The following CFI variants were observed in gnomAD, a reference collection of about 807,000 sequenced individuals.
CFI encodes complement factor I, also known as C3B/C4B inactivator.
CFI carries 66 observed loss-of-function variants against 78.8 expected under a neutral mutation model. The ratio of observed to expected loss-of-function variants is 0.84; its 90% CI spans 0.69 to 1.03. The LOEUF is 1.03. CFI is among the 50% of genes least tolerant of loss of function. The pLI is 0.00. For missense variants in CFI, 706 were observed against 704.5 expected (o/e 1.00, Z -0.02); for synonymous variants, 250 against 232.6 (o/e 1.07, Z -0.68).
the CFI span, among the ~76,000 whole-genome samples, chr4:109,733,353 T>C: frequency 6.6e-6 from 1 of 152,230 alleles, no homozygotes; most frequent in African/African-American, 2.4e-5. Context: ...GAGCCTTCTT[T>C]ACAGGACACT....
At chr4:109,768,834 C>A (rs1207473232) in intron 1 of CFI, among the ~76,000 whole-genome samples, 1 of 152,160 alleles carries the variant, frequency 6.6e-6, no homozygotes, top group Non-Finnish European at 1.5e-5. Context: ...CAAAACCTTG[C>A]AAGGATTGTC....
chr4:109,768,585 G>A (rs1728131462), intron 1 of CFI, among the ~76,000 whole-genome samples: 1 of 152,116 alleles, frequency 6.6e-6, no homozygotes, highest in Non-Finnish European at 1.5e-5. Flanking sequence ...ATAATATGAG[G>A]GCTGGGAACA....
At position 109,749,644 on chromosome 4, in the gene CFI, C is replaced by T. The variant is rs774204245; in HGVS notation, c.941-42G>A. ...GATTACATCATTATTATCTTGAACC[C>T]ATTAGCGTTTTTAACACACTTCTTG... On this transcript the variant is annotated intron_variant, in intron 8 of 12. Transcript: ENST00000394634. 14 of 1,344,460 alleles carry T rather than the reference C, an allele frequency of 1.0e-5. No individual in the cohort carries two copies. The African/African-American group carries it at 1.7e-4, about 17-fold the overall frequency. 83.3% of individuals were successfully genotyped at this position (1,344,460 alleles called of 1,614,324 possible). A position where few individuals can be genotyped will look rare whatever the true frequency, so the allele number is the denominator to read the frequency against.
chr4:109,766,516 T>C (rs753488505), intron 2 of CFI, 38 bp downstream of exon 2: 8 of 1,609,110 alleles, frequency 5.0e-6, no homozygotes, highest in Non-Finnish European at 6.8e-6. Context: ...AATACCCTTT[T>C]ATATCATAGA....
intron 1 of CFI, among the ~76,000 whole-genome samples, chr4:109,778,087 G>T (rs1359016671): frequency 6.6e-6 from 1 of 152,078 alleles, no homozygotes; most frequent in African/African-American, 2.4e-5. Flanking sequence ...AGAAGCAAGA[G>T]CAAACACATT....
chr4:109,760,074 T>A, intron 6 of CFI, 196 bp downstream of exon 6: 1 of 693,790 alleles, frequency 1.4e-6, no homozygotes, highest in Non-Finnish European at 2.6e-6. Context: ...TAATAGAAAG[T>A]TCTGAAATAA....
intron 1 of CFI, among the ~76,000 whole-genome samples, chr4:109,781,637 G>T (rs1579285263): frequency 6.6e-6 from 1 of 151,978 alleles, no homozygotes; most frequent in Non-Finnish European, 1.5e-5. Context: ...GAGAAAGAAG[G>T]AACCCTCCCC....
At chr4:109,790,418 T>G (rs1442534519) in intron 1 of CFI, among the ~76,000 whole-genome samples, 1 of 152,148 alleles carries the variant, frequency 6.6e-6, no homozygotes, top group Non-Finnish European at 1.5e-5. Flanking sequence ...ATTTGAGATC[T>G]TTACTCTTTT....
At chr4:109,763,254 A>AT (rs1292568715) in intron 3 of CFI, among the ~76,000 whole-genome samples, 1 of 152,144 alleles carries the variant, frequency 6.6e-6, no homozygotes, top group African/African-American at 2.4e-5. Context: ...GGTTAATTAC[A>AT]TTTTTTTCTA....
chr4:109,768,278 C>A (rs1460481279), intron 1 of CFI, among the ~76,000 whole-genome samples: 254 of 86,902 alleles, frequency 2.9e-3, no homozygotes, highest in South Asian at 3.8e-3. Context: ...ACTTAAAGTA[C>A]AAAAAAAAAA....
chr4:109,782,223 G>T (rs911551288), intron 1 of CFI, among the ~76,000 whole-genome samples: 2 of 152,012 alleles, frequency 1.3e-5, no homozygotes, highest in Admixed American at 1.3e-4. Flanking sequence ...CCGGTAAAGA[G>T]GAAGTCAAAT....
the CFI span, among the ~76,000 whole-genome samples, chr4:109,731,344 T>TA: frequency 1.4e-5 from 2 of 148,032 alleles, no homozygotes; most frequent in African/African-American, 2.5e-5. Context: ...AGCGAGACTC[T>TA]AAAAAAAAAA....
chr4:109,783,157 T>TA, intron 1 of CFI, among the ~76,000 whole-genome samples: 1 of 151,934 alleles, frequency 6.6e-6, no homozygotes, highest in Middle Eastern at 3.4e-3. Flanking sequence ...GCAAATGCAA[T>TA]AAAAACAAAG....
intron 1 of CFI, among the ~76,000 whole-genome samples, chr4:109,798,064 A>G (rs1579328502): frequency 6.6e-6 from 1 of 152,204 alleles, no homozygotes; most frequent in South Asian, 2.1e-4. Context: ...CATTAATCTA[A>G]GTGAAACAAG....
chr4:109,775,648 T>C (rs995503939), intron 1 of CFI, among the ~76,000 whole-genome samples: 3 of 151,814 alleles, frequency 2.0e-5, no homozygotes, highest in Admixed American at 6.6e-5. Context: ...TTGAAGAGAG[T>C]AGTGGTTCTC....
chr4:109,749,650 C>A (rs775668598), intron 8 of CFI, 48 bp from the exon 9 acceptor site: 2 of 1,239,870 alleles, frequency 1.6e-6, no homozygotes, highest in South Asian at 1.2e-5. Flanking sequence ...AACCCATTAG[C>A]GTTTTTAACA....
At chr4:109,752,760 G>C (rs1725293397) in intron 7 of CFI, among the ~76,000 whole-genome samples, 1 of 149,364 alleles carries the variant, frequency 6.7e-6, no homozygotes, top group African/African-American at 2.5e-5. Context: ...AGTGAATGTT[G>C]AGACTCATGG....
At chr4:109,791,423 TGTGC>T (rs1422294508) in intron 1 of CFI, among the ~76,000 whole-genome samples, 1 of 152,222 alleles carries the variant, frequency 6.6e-6, no homozygotes, top group Admixed American at 6.5e-5. Context: ...TTTATTTTGC[TGTGC>T]AGAAGCTCTT....
chr4:109,782,641 T>C (rs1730208091), intron 1 of CFI, among the ~76,000 whole-genome samples: 1 of 151,572 alleles, frequency 6.6e-6, no homozygotes, highest in South Asian at 2.1e-4. Flanking sequence ...AATACCAAAA[T>C]ACCACCATCA....
Sources: gnomAD v4.1 joint callset for allele counts (sites outside exome capture counted in the v4.1 genomes callset) on GRCh38, gnomAD v4.1.1 for gene constraint, MANE v1.5 for transcripts, NCBI Gene and HGNC (gene_info 2026-07-23, HGNC 2026-07-21) for gene names.